SENP6: variants seen among roughly 807,000 people sequenced by gnomAD.
SENP6 encodes SUMO specific peptidase 6.
SENP6 carries 41 observed loss-of-function variants against 134.5 expected under a neutral mutation model. The observed-to-expected ratio is 0.30, with a 90% confidence interval of 0.24 to 0.40. The LOEUF (loss-of-function observed/expected upper bound fraction) is 0.40. SENP6 is among the 10% of genes least tolerant of loss of function. SENP6 has a pLI of 1.00. For synonymous variants in SENP6, 395 were observed against 429.8 expected, an observed-to-expected ratio of 0.92 and a Z score of 1.00; for missense variants, 1,248 against 1,312.5, an observed-to-expected ratio of 0.95 and a Z score of 0.76.
rs543346364 is a variant in SENP6, at chr6:75,612,986, T to G, written c.53-8546T>G. 2.6e-5 allele frequency among the ~76,000 whole-genome samples: 4 copies of G among 152,174 alleles called. No homozygotes were observed. In the South Asian group the frequency reaches 8.3e-4, roughly 32 times the overall value. Reference sequence around the variant, plus strand: ...AAAATCAGCCGGGCATCGTGGCATATGCCTGTAATCCCAGCTACTTGGGAG... The same window carrying G: ...AAAATCAGCCGGGCATCGTGGCATAGGCCTGTAATCCCAGCTACTTGGGAG... On this transcript the variant is annotated intron_variant, in intron 1 of 23. Transcript: ENST00000447266.
intron 8 of SENP6, among the ~76,000 whole-genome samples, chr6:75,662,138 T>G (rs1027626986): frequency 1.3e-5 from 2 of 152,178 alleles, no homozygotes; most frequent in Non-Finnish European, 2.9e-5. Flanking sequence ...AAAAATGACA[T>G]AGTCTCAAAG....
chr6:75,672,266 A>G (rs1329003263), intron 11 of SENP6, among the ~76,000 whole-genome samples: 1 of 152,208 alleles, frequency 6.6e-6, no homozygotes, highest in African/African-American at 2.4e-5. Context: ...GTGATGAGTA[A>G]GGTTTTGCTG....
chr6:75,672,079 G>T (rs551532295), intron 11 of SENP6, among the ~76,000 whole-genome samples: 2 of 152,218 alleles, frequency 1.3e-5, no homozygotes, highest in South Asian at 4.1e-4. Context: ...GTGTTTTTAG[G>T]GATTTATGAA....
In SENP6 at chr6:75,647,745, C is replaced by T; in HGVS notation, c.494C>T (p.Pro165Leu). Residue 165 changes from proline to leucine, a missense_variant, in exon 7 of 24, where the codon CCT (proline) becomes CTT (leucine). Pro to Leu is a moderately conservative substitution (Grantham distance 98, BLOSUM62 -3). This residue lies in a region of SENP6 where 733 missense variants were observed against 725.4 expected (regional missense o/e 1.01). Transcript: ENST00000447266. ...TTCTTTTTTAGGAAAGAATACCCAC[C>T]TCATGTCCAAAAAGTTGAAATTAAT... ...LDRKERKEYP[P>L]HVQKVEINPV... 1.2e-6 allele frequency: 2 copies of T among 1,610,806 alleles called. No homozygotes were observed. The highest frequency in any genetic ancestry group is 1.7e-6 in the Non-Finnish European group (2 of 1,177,514).
Position 75,647,499 on chromosome 6 carries a change from CATTTATTCCTTT to C in SENP6, c.480-224_480-213del, listed in dbSNP as rs753658206. 2.1e-4 allele frequency: 67 copies of C among 318,232 alleles called. 1 individual carries two copies. Among genetic ancestry groups the C allele is most frequent in the Non-Finnish European group, 3.3e-4 (55 of 168,380 alleles). The allele number at this position is 318,232 out of a possible 1,614,324, so 19.7% of individuals were successfully genotyped here. A position where few individuals can be genotyped will look rare whatever the true frequency, so the allele number is the denominator to read the frequency against. ...TTGTCCTCAAGACAATCTCATTCAA[CATTTATTCCTTT>C]ATTTATTAATTTGTTTTTAAACAAC... On this transcript the variant is annotated intron_variant, in intron 6 of 23. Transcript: ENST00000447266.
intron 10 of SENP6, among the ~76,000 whole-genome samples, chr6:75,668,547 A>G (rs1772427133): frequency 2.0e-5 from 3 of 152,346 alleles, no homozygotes; most frequent in East Asian, 1.9e-4. Context: ...CCTTTTGTGA[A>G]CTTCAGATTG....
At chr6:75,651,237 G>C (rs1770837266) in intron 7 of SENP6, among the ~76,000 whole-genome samples, 1 of 151,644 alleles carries the variant, frequency 6.6e-6, no homozygotes, top group Non-Finnish European at 1.5e-5. Context: ...ATCCTTGTTA[G>C]AGAGAACAGA....
intron 16 of SENP6, among the ~76,000 whole-genome samples, chr6:75,689,637 T>G (rs1266659142): frequency 6.6e-6 from 1 of 152,164 alleles, no homozygotes; most frequent in Non-Finnish European, 1.5e-5. Context: ...GCCCATAAGA[T>G]TATAATAACG....
intron 1 of SENP6, among the ~76,000 whole-genome samples, chr6:75,609,017 G>C (rs750175350): frequency 6.6e-6 from 1 of 152,184 alleles, no homozygotes; most frequent in Non-Finnish European, 1.5e-5. Context: ...TACATACTTT[G>C]TATGTCTAGA....
intron 3 of SENP6, among the ~76,000 whole-genome samples, chr6:75,628,975 T>G (rs189310674): frequency 6.6e-6 from 1 of 152,216 alleles, no homozygotes; most frequent in Non-Finnish European, 1.5e-5. Context: ...TCCACCCACC[T>G]TGGCCTCCCA....
In SENP6 at chr6:75,702,631, T is replaced by A; in HGVS notation, c.2289-14T>A. The stretch of plus-strand genomic sequence containing the variant: ...TCTAATAACATATTTAGTCATTTCA[T>A]TTGTTTTTTACAGTGCACACTGGTT... On this transcript the variant is annotated splice_polypyrimidine_tract_variant and intron_variant, in intron 18 of 23. Coordinates refer to ENST00000447266, the MANE Select transcript of SENP6 (RefSeq NM_015571.4). 1 of 1,537,224 alleles carries A rather than the reference T, an allele frequency of 6.5e-7. No homozygotes were observed.
chr6:75,709,696 A>G (rs1467287072), intron 20 of SENP6, 66 bp downstream of exon 20: 17 of 1,131,364 alleles, frequency 1.5e-5, no homozygotes, highest in Non-Finnish European at 2.1e-5. Flanking sequence ...CTTGCTGAAC[A>G]TGGTGGTGCA....
chr6:75,635,094 A>G, intron 5 of SENP6: 3 of 449,910 alleles, frequency 6.7e-6, no homozygotes, highest in South Asian at 2.0e-5. Flanking sequence ...TATTGACCTG[A>G]AAGTGTTTGA....
chr6:75,609,360 A>G (rs930757039), intron 1 of SENP6, among the ~76,000 whole-genome samples: 1 of 152,248 alleles, frequency 6.6e-6, no homozygotes, highest in Non-Finnish European at 1.5e-5. Flanking sequence ...TAAGAGGGCA[A>G]AAATGGAAAG....
At chr6:75,666,281 A>G (rs1290926152) in intron 9 of SENP6, among the ~76,000 whole-genome samples, 2 of 147,756 alleles carry the variant, frequency 1.4e-5, no homozygotes, top group African/African-American at 2.5e-5. Context: ...TATATTATAT[A>G]TATATACTTG....
At chr6:75,668,163 G>C (rs187319766) in intron 10 of SENP6, among the ~76,000 whole-genome samples, 1 of 152,056 alleles carries the variant, frequency 6.6e-6, no homozygotes, top group Non-Finnish European at 1.5e-5. Context: ...TTATTTAAAG[G>C]GGGGATCTTG....
At chr6:75,687,436 C>T (rs146871538) in intron 16 of SENP6, among the ~76,000 whole-genome samples, 2,413 of 152,274 alleles carry the variant, frequency 0.016, 65 homozygotes, top group African/African-American at 0.056. Context: ...AGCTTTGTTC[C>T]GTTGCTGGCA....
intron 18 of SENP6, among the ~76,000 whole-genome samples, chr6:75,699,489 TTTC>T (rs1774888147): frequency 6.6e-6 from 1 of 151,952 alleles, no homozygotes; most frequent in Admixed American, 6.6e-5. Flanking sequence ...TTTTCTTTTC[TTTC>T]TTTCTTTTTT....
chr6:75,652,695 A>AAAAAAAAAAAAAAAAAAAAAAAAAC (rs1770979289), intron 7 of SENP6, among the ~76,000 whole-genome samples: 1 of 149,936 alleles, frequency 6.7e-6, no homozygotes, highest in Non-Finnish European at 1.5e-5. Context: ...AAAAAAAAAA[A>AAAAAAAAAAAAAAAAAAAAAAAAAC]AAAAAAAAGA....
Sources: allele counts gnomAD v4.1 joint callset (sites outside exome capture counted in the v4.1 genomes callset), GRCh38; gene constraint gnomAD v4.1.1; regional missense constraint gnomAD v4.1.1; transcripts MANE v1.5; gene names NCBI Gene and HGNC (gene_info 2026-07-23, HGNC 2026-07-21).